Variants in PARK7 observed in about 807,000 individuals in gnomAD.
The protein encoded by PARK7 is Parkinsonism associated deglycase.
A neutral mutation model predicts 20.5 loss-of-function variants in PARK7; 14 were observed. That is an observed-to-expected ratio of 0.68 (90% confidence interval 0.45 to 1.07). The LOEUF is 1.07. Among genes scored for constraint, PARK7 ranks in the 50% least tolerant of loss-of-function variants. The pLI, the probability that PARK7 is intolerant of heterozygous loss-of-function variation, is 0.00. For synonymous variants in PARK7, 98 were observed against 84.3 expected (o/e 1.16, Z -0.89); for missense variants, 234 against 238.1 (o/e 0.98, Z 0.11).
chr1:7,970,465 C>T (rs957150398), intron 4 of PARK7, among the ~76,000 whole-genome samples: 1 of 151,982 alleles, frequency 6.6e-6, no homozygotes, highest in Non-Finnish European at 1.5e-5. Flanking sequence ...AGTCAGAGGC[C>T]AGGGTGAGGG....
intron 3 of PARK7, among the ~76,000 whole-genome samples, chr1:7,968,932 G>GC (rs2151430809): frequency 6.6e-6 from 1 of 152,156 alleles, no homozygotes; most frequent in South Asian, 2.1e-4. Flanking sequence ...TTCTCCCTCT[G>GC]CCCCATCCCA....
At chr1:7,979,832 CTA>C (rs1475800296) in intron 6 of PARK7, among the ~76,000 whole-genome samples, 1 of 152,094 alleles carries the variant, frequency 6.6e-6, no homozygotes, top group African/African-American at 2.4e-5. Context: ...TAGAAAGATA[CTA>C]TGTTATCATT....
At chr1:7,981,437 G>C (rs1404679807) in intron 6 of PARK7, among the ~76,000 whole-genome samples, 1 of 152,180 alleles carries the variant, frequency 6.6e-6, no homozygotes, top group African/African-American at 2.4e-5. Context: ...CTCTGCTCAG[G>C]GGTCAACTGA....
chr1:7,970,616 C>G (rs1161134102), intron 4 of PARK7, among the ~76,000 whole-genome samples: 1 of 152,208 alleles, frequency 6.6e-6, no homozygotes, highest in Non-Finnish European at 1.5e-5. Context: ...CCATTTCTTT[C>G]TCCCTGGAGT....
chr1:7,978,761 G>A lies in PARK7; in HGVS notation c.409+1023G>A, dbSNP rs1179794640. 4.0e-5 allele frequency among the ~76,000 whole-genome samples: 6 copies of A among 150,982 alleles called. No homozygotes were observed. The South Asian group carries it at 6.3e-4, about 16-fold the overall frequency. ...CTCAGGAGGCTGAGGTGGGATGATC[G>A]CTTTAAGCCTGGGAGGTCAAAGCTA... On this transcript the variant is annotated intron_variant, in intron 6 of 6. Transcript: ENST00000338639.
chr1:7,969,948 T>C (rs764931817), intron 4 of PARK7, among the ~76,000 whole-genome samples: 2 of 152,130 alleles, frequency 1.3e-5, no homozygotes, highest in Non-Finnish European at 2.9e-5. Flanking sequence ...TCCCAGTGGT[T>C]TGGGAGGCTG....
At chr1:7,969,177 A>G in intron 3 of PARK7, 168 bp from the exon 4 acceptor site, 1 of 604,168 alleles carries the variant, frequency 1.7e-6, no homozygotes, top group Non-Finnish European at 2.9e-6. Flanking sequence ...TAGTTAAAAC[A>G]CCATTCCGTC....
At chr1:7,975,003 C>CT (rs560260725) in intron 5 of PARK7, among the ~76,000 whole-genome samples, 55 of 152,048 alleles carry the variant, frequency 3.6e-4, no homozygotes, top group Admixed American at 1.2e-3. Flanking sequence ...TTACAGGCAC[C>CT]TGCCACCATG....
chr1:7,968,324 G>GAA, intron 3 of PARK7, among the ~76,000 whole-genome samples: 1 of 144,628 alleles, frequency 6.9e-6, no homozygotes, highest in African/African-American at 2.6e-5. Flanking sequence ...AAAAAGAAAA[G>GAA]AAAAATAAAT....
At chr1:7,968,881 T>C (rs1578094696) in intron 3 of PARK7, among the ~76,000 whole-genome samples, 1 of 152,338 alleles carries the variant, frequency 6.6e-6, no homozygotes, top group East Asian at 1.9e-4. Context: ...TCAAACAATA[T>C]AGACACATAT....
intron 6 of PARK7, among the ~76,000 whole-genome samples, chr1:7,981,263 T>C (rs181772408): frequency 6.6e-6 from 1 of 152,320 alleles, no homozygotes; most frequent in Admixed American, 6.5e-5. Flanking sequence ...TCAGGATTGT[T>C]GGTGAAAAGA....
Position 7,985,293 on chromosome 1 carries a change from C to T in PARK7, c.*239C>T. On this transcript the variant is annotated 3_prime_UTR_variant, in exon 7 of 7. Coordinates refer to ENST00000338639, the MANE Select transcript of PARK7 (RefSeq NM_007262.5). ...GCATTTAGCAAACTACTGATTGTTT[C>T]TTGTTTTGTCTCTCATTTCTTTTGT... The T allele has an allele frequency of 1.9e-6, 1 of 526,832 alleles. No homozygotes were observed. Among genetic ancestry groups the T allele is most frequent in the South Asian group, 2.0e-5 (1 of 48,856 alleles). The allele number at this position is 526,832 out of a possible 1,614,324, so 32.6% of individuals were successfully genotyped here. A position where few individuals can be genotyped will look rare whatever the true frequency, so the allele number is the denominator to read the frequency against.
chr1:7,976,265 A>G (rs181020109), intron 5 of PARK7, among the ~76,000 whole-genome samples: 1 of 152,324 alleles, frequency 6.6e-6, no homozygotes, highest in East Asian at 1.9e-4. Flanking sequence ...CTGTTCTGAA[A>G]CGTATCCTTC....
intron 5 of PARK7, among the ~76,000 whole-genome samples, chr1:7,974,007 A>G (rs1271518852): frequency 1.3e-5 from 2 of 152,010 alleles, no homozygotes; most frequent in Non-Finnish European, 2.9e-5. Context: ...AGTACTTTAA[A>G]TCAACATTAA....
At chr1:7,970,218 T>C (rs565172290) in intron 4 of PARK7, among the ~76,000 whole-genome samples, 2 of 152,118 alleles carry the variant, frequency 1.3e-5, no homozygotes, top group Admixed American at 1.3e-4. Context: ...AATGTTGCCA[T>C]GGAAGTAAGC....
intron 3 of PARK7, 146 bp downstream of exon 3, chr1:7,965,571 G>C: frequency 1.3e-6 from 1 of 748,652 alleles, no homozygotes; most frequent in South Asian, 1.5e-5. Flanking sequence ...TGAGGACTTT[G>C]TCTTTCTATT....
chr1:7,967,381 G>GT (rs777816314), intron 3 of PARK7, among the ~76,000 whole-genome samples: 5 of 152,170 alleles, frequency 3.3e-5, no homozygotes, highest in Non-Finnish European at 7.3e-5. Flanking sequence ...AAACAAGGGA[G>GT]TGCAGGTGTC....
chr1:7,965,215 C>T lies in PARK7; in HGVS notation c.91-109C>T, dbSNP rs7517357. Reference sequence around the variant, plus strand: ...TATGATTGTGTCACTGCCCTCTAGCCCAGGTGACAGGGTGAGACCCCATCT... The same window carrying T: ...TATGATTGTGTCACTGCCCTCTAGCTCAGGTGACAGGGTGAGACCCCATCT... On this transcript the variant is annotated intron_variant, in intron 2 of 6. Coordinates refer to ENST00000338639, the MANE Select transcript of PARK7 (RefSeq NM_007262.5). 0.15 allele frequency: 144,157 copies of T among 967,840 alleles called. 12,137 individuals are homozygous for T. The highest frequency in any genetic ancestry group is 0.17 in the Non-Finnish European group (102,935 of 620,636). 60.0% of individuals were successfully genotyped at this position (967,840 alleles called of 1,614,324 possible).
chr1:7,974,535 A>T (rs1010818932), intron 5 of PARK7, among the ~76,000 whole-genome samples: 42 of 152,012 alleles, frequency 2.8e-4, no homozygotes, highest in Admixed American at 2.1e-3. Context: ...AGGCTGAGGC[A>T]GGAGAATGGT....
Sources: gnomAD v4.1 joint callset for allele counts (sites outside exome capture counted in the v4.1 genomes callset) on GRCh38, gnomAD v4.1.1 for gene constraint, MANE v1.5 for transcripts, NCBI Gene and HGNC (gene_info 2026-07-23, HGNC 2026-07-21) for gene names.